CDC42BPB: variants seen among roughly 807,000 people sequenced by gnomAD.
CDC42BPB encodes CDC42 binding protein kinase beta.
A neutral mutation model predicts 214.9 loss-of-function variants in CDC42BPB; 37 were observed. The ratio of observed to expected loss-of-function variants is 0.17; its 90% CI spans 0.13 to 0.23. The LOEUF (loss-of-function observed/expected upper bound fraction) is 0.23. Among genes scored for constraint, CDC42BPB ranks in the 10% least tolerant of loss-of-function variants. The pLI, the probability that CDC42BPB is intolerant of heterozygous loss-of-function variation, is 1.00. For missense variants in CDC42BPB, 1,694 were observed against 2,227.0 expected (o/e 0.76, Z 4.82); for synonymous variants, 931 against 884.0 (o/e 1.05, Z -0.94).
At chr14:103,009,448 G>C (rs1886031575) in intron 2 of CDC42BPB, among the ~76,000 whole-genome samples, 1 of 152,128 alleles carries the variant, frequency 6.6e-6, no homozygotes, top group South Asian at 2.1e-4. Flanking sequence ...GGCTCCAAGG[G>C]AACAAGACCA....
chr14:103,035,504 C>A (rs906421206), intron 1 of CDC42BPB, among the ~76,000 whole-genome samples: 1 of 151,778 alleles, frequency 6.6e-6, no homozygotes, highest in Non-Finnish European at 1.5e-5. Context: ...TGGAGACCAG[C>A]CTGGGCAACA....
At chr14:102,993,110 G>T (rs963665367) in intron 5 of CDC42BPB, among the ~76,000 whole-genome samples, 1 of 152,130 alleles carries the variant, frequency 6.6e-6, no homozygotes, top group Admixed American at 6.5e-5. Flanking sequence ...GATTACAGGC[G>T]TGAGCCACTG....
intron 1 of CDC42BPB, among the ~76,000 whole-genome samples, chr14:103,051,451 T>C (rs1419734535): frequency 7.9e-5 from 12 of 151,778 alleles, no homozygotes; most frequent in African/African-American, 2.7e-4. Flanking sequence ...AAAAGCTTTG[T>C]CTCTTTTCAG....
chr14:102,942,259 G>A (rs1352046188), intron 30 of CDC42BPB, among the ~76,000 whole-genome samples: 1 of 152,196 alleles, frequency 6.6e-6, no homozygotes, highest in Non-Finnish European at 1.5e-5. Context: ...GTGGCCATCG[G>A]GATGGAGCCG....
intron 36 of CDC42BPB, 40 bp downstream of exon 36, chr14:102,938,064 G>C: frequency 6.2e-7 from 1 of 1,602,828 alleles, no homozygotes; most frequent in Non-Finnish European, 8.5e-7. Context: ...TCCTGCAGTG[G>C]TGGCTCATAG....
intron 30 of CDC42BPB, chr14:102,940,530 T>C: frequency 1.5e-6 from 2 of 1,336,112 alleles, no homozygotes; most frequent in Admixed American, 5.6e-5. Flanking sequence ...AATGTTTAAA[T>C]GCTCCACAAT....
Position 102,958,346 on chromosome 14 carries a change from G to C in CDC42BPB, c.2901+1285C>G, listed in dbSNP as rs149026273. ...AGGAAGAAAGTCTCTTATGTTGAGAGAGAGAAAGCAGATGTAGCAAAACCC... is the reference window on the plus strand; with the variant it reads ...AGGAAGAAAGTCTCTTATGTTGAGACAGAGAAAGCAGATGTAGCAAAACCC... On this transcript the variant is annotated intron_variant, in intron 21 of 36. Transcript: ENST00000361246. Among the ~76,000 whole-genome samples, 6 of 152,342 alleles carry C rather than the reference G, an allele frequency of 3.9e-5. No individual in the cohort carries two copies. The East Asian group carries it at 1.2e-3, about 29-fold the overall frequency.
In CDC42BPB at chr14:102,963,135, G is replaced by C. The variant is rs1172202091; in HGVS notation, c.2747C>G (p.Ala916Gly). 6.3e-7 allele frequency: 1 copy of C among 1,595,980 alleles called. No homozygotes were observed. Among genetic ancestry groups the C allele is most frequent in the Non-Finnish European group, 8.6e-7 (1 of 1,167,974 alleles). Residue 916 changes from alanine (A) to glycine (G), a missense_variant, in exon 20 of 37, where the codon GCC becomes GGC. Around this residue, in one of 7 missense-constraint regions of CDC42BPB, gnomAD observed 156 missense variants for 154.5 expected, o/e 1.01. Transcript: ENST00000361246. The part of the protein sequence containing the change: ...TLESKLKDSE[A>G]KNRELLEEME... ...TTCTTCTAATAATTCTCTGTTTTTG[G>C]CTTCGGAATCCTTTAGTTTGCTAAA...
At chr14:103,037,295 G>A (rs957537356) in intron 1 of CDC42BPB, among the ~76,000 whole-genome samples, 1 of 151,854 alleles carries the variant, frequency 6.6e-6, no homozygotes, top group Non-Finnish European at 1.5e-5. Context: ...TCATGAGCAC[G>A]CTTTTCTTTT....
chr14:103,053,629 G>A (rs752553140), intron 1 of CDC42BPB, among the ~76,000 whole-genome samples: 3 of 151,280 alleles, frequency 2.0e-5, no homozygotes, highest in Admixed American at 6.6e-5. Context: ...AGGCGTGATG[G>A]CGGGCGCCTG....
At chr14:102,934,872 T>C (rs760064408) in intron 36 of CDC42BPB, among the ~76,000 whole-genome samples, 1 of 151,694 alleles carries the variant, frequency 6.6e-6, no homozygotes, top group African/African-American at 2.4e-5. Context: ...TAGCCTGGCA[T>C]GGTGGTGGGC....
At chr14:103,036,447 G>A (rs981235139) in intron 1 of CDC42BPB, among the ~76,000 whole-genome samples, 9 of 151,816 alleles carry the variant, frequency 5.9e-5, no homozygotes, top group South Asian at 2.1e-4. Flanking sequence ...GAGCCACCGC[G>A]CCCAGCCTAA....
At chr14:102,934,851 C>CA (rs570829860) in intron 36 of CDC42BPB, among the ~76,000 whole-genome samples, 227 of 149,612 alleles carry the variant, frequency 1.5e-3, no homozygotes, top group Middle Eastern at 3.4e-3. Context: ...GCTAAAAATA[C>CA]AAAAAAAAAT....
chr14:102,985,625 C>G (rs1894210666), intron 6 of CDC42BPB, among the ~76,000 whole-genome samples: 1 of 152,226 alleles, frequency 6.6e-6, no homozygotes, highest in East Asian at 1.9e-4. Flanking sequence ...TTATAAAACG[C>G]TGTCAACTGA....
In CDC42BPB at chr14:102,944,669, G is replaced by GC. The variant is rs925293184; in HGVS notation, c.3812-183dup. 20 of 985,068 alleles carry GC rather than the reference G, an allele frequency of 2.0e-5. No individual in the cohort carries two copies. The highest frequency in any genetic ancestry group is 5.2e-4 in the Middle Eastern group (1 of 1,934). 61.0% of individuals were successfully genotyped at this position (985,068 alleles called of 1,614,324 possible). A position where few individuals can be genotyped will look rare whatever the true frequency, so the allele number is the denominator to read the frequency against. On this transcript the variant is annotated intron_variant, in intron 29 of 36. Transcript: ENST00000361246. This position sits in a 1 kb window ranked among gnomAD's most constrained non-coding sequence, Gnocchi z 6.6. ...TGCCCACAGAGCCAGTGGCTTGAAC[G>GC]CCCCCCGGAGAAGCTGCCCCACATC...
At position 102,933,798 on chromosome 14, in the gene CDC42BPB, TG is replaced by T; in HGVS notation, c.5049del (p.Asn1684ThrfsTer77). On this transcript the variant is annotated frameshift_variant, in exon 37 of 37. Transcript: ENST00000361246. LOFTEE classifies it high-confidence loss of function. ...STKHSTPSNS[S>X]NPSGPPSPNS... ...TTGGGGCTCGGTGGGCCGCTGGGGT[TG>T]GAGCTATTCGATGGAGTTGAGTGTT... The T allele has an allele frequency of 6.6e-7, 1 of 1,512,928 alleles. No homozygotes were observed. 93.7% of individuals were successfully genotyped at this position (1,512,928 alleles called of 1,614,324 possible).
intron 27 of CDC42BPB, 127 bp downstream of exon 27, chr14:102,947,594 A>G: frequency 2.5e-6 from 2 of 814,082 alleles, no homozygotes; most frequent in African/African-American, 1.7e-5. Flanking sequence ...ACCTGGAGCC[A>G]GGCTGGAGGT....
chr14:103,023,474 AT>A (rs1024751154), intron 1 of CDC42BPB, among the ~76,000 whole-genome samples: 1 of 151,954 alleles, frequency 6.6e-6, no homozygotes, highest in Non-Finnish European at 1.5e-5. Flanking sequence ...GCAGTGGCTA[AT>A]TTTTTATTTT....
At chr14:102,952,059 C>T (rs1435314714) in intron 24 of CDC42BPB, among the ~76,000 whole-genome samples, 1 of 152,048 alleles carries the variant, frequency 6.6e-6, no homozygotes, top group Non-Finnish European at 1.5e-5. Flanking sequence ...TAAAAATAAA[C>T]CTGCCAGGCT....
Sources: gnomAD v4.1 joint callset for allele counts (sites outside exome capture counted in the v4.1 genomes callset) on GRCh38, gnomAD v4.1.1 for gene constraint, gnomAD v4.1.1 regional missense constraint, Gnocchi (gnomAD v3.1) non-coding constraint, MANE v1.5 for transcripts, NCBI Gene and HGNC (gene_info 2026-07-23, HGNC 2026-07-21) for gene names.